ANKRD30B: variants seen among roughly 807,000 people sequenced by gnomAD.
ANKRD30B encodes the protein ankyrin repeat domain 30B.
In ANKRD30B, 144 loss-of-function variants were observed where a neutral mutation model predicts 202.2. That is an observed-to-expected ratio of 0.71 (90% confidence interval 0.62 to 0.82). The LOEUF (loss-of-function observed/expected upper bound fraction) is 0.82. Among genes scored for constraint, ANKRD30B ranks in the 40% least tolerant of loss-of-function variants. ANKRD30B has a pLI of 0.00. For synonymous variants in ANKRD30B, 508 were observed against 561.3 expected (o/e 0.91, Z 1.34); for missense variants, 1,487 against 1,669.1 (o/e 0.89, Z 1.90).
intron 9 of ANKRD30B, among the ~76,000 whole-genome samples, chr18:14,775,811 A>C (rs1469666347): frequency 6.6e-6 from 1 of 152,234 alleles, no homozygotes; most frequent in African/African-American, 2.4e-5. Flanking sequence ...AGTGGATGTC[A>C]AAAGATAAGT....
intron 9 of ANKRD30B, among the ~76,000 whole-genome samples, chr18:14,777,045 T>C (rs540887125): frequency 1.4e-4 from 21 of 152,332 alleles, no homozygotes; most frequent in African/African-American, 4.8e-4. Flanking sequence ...TGAAATGCCC[T>C]ATTATTTTTG....
chr18:14,838,891 T>C (rs1971291674), intron 36 of ANKRD30B, among the ~76,000 whole-genome samples: 1 of 152,232 alleles, frequency 6.6e-6, no homozygotes, highest in Non-Finnish European at 1.5e-5. Flanking sequence ...TGTATACAAA[T>C]GTAAGACAAA....
At chr18:14,925,495 G>A in the ANKRD30B span, among the ~76,000 whole-genome samples, 1 of 152,184 alleles carries the variant, frequency 6.6e-6, no homozygotes, top group Non-Finnish European at 1.5e-5. Flanking sequence ...TACAGCCTGG[G>A]GTTTTGGTTT....
chr18:14,876,644 T>C, the ANKRD30B span, among the ~76,000 whole-genome samples: 1 of 152,220 alleles, frequency 6.6e-6, no homozygotes, highest in African/African-American at 2.4e-5. Flanking sequence ...TTTAAAGGCA[T>C]GAGCTTGTAA....
At chr18:14,829,172 C>T (rs192286825) in intron 33 of ANKRD30B, among the ~76,000 whole-genome samples, 146 of 152,108 alleles carry the variant, frequency 9.6e-4, no homozygotes, top group African/African-American at 3.4e-3. Flanking sequence ...TTTTCTATAG[C>T]TAAAATTAAA....
chr18:14,752,672 C>G lies in ANKRD30B; in HGVS notation c.328C>G (p.Leu110Val). ...NVLDGEGRTP[L>V]MKALQCEREA... Reference sequence around the variant, plus strand: ...CCTTGATGGCGAAGGGAGGACACCTCTGATGAAGGTAAATAGTAGCCAGTT... The same window carrying G: ...CCTTGATGGCGAAGGGAGGACACCTGTGATGAAGGTAAATAGTAGCCAGTT... The change falls in exon 2 of 44, where the codon CTG (leucine) becomes GTG (valine). Residue 110 changes from leucine (L) to valine (V), a missense_variant. Around this residue, in one of 6 missense-constraint regions of ANKRD30B, gnomAD observed 889 missense variants for 841.4 expected, o/e 1.06. Coordinates refer to ENST00000690538, the MANE Select transcript of ANKRD30B (RefSeq NM_001367607.2). 1 of 1,601,710 alleles carries G rather than the reference C, an allele frequency of 6.2e-7. No individual in the cohort carries two copies. Among genetic ancestry groups the G allele is most frequent in the Non-Finnish European group, 8.5e-7 (1 of 1,172,470 alleles).
At chr18:14,938,592 C>T in the ANKRD30B span, among the ~76,000 whole-genome samples, 5 of 152,180 alleles carry the variant, frequency 3.3e-5, no homozygotes, top group African/African-American at 4.8e-5. Flanking sequence ...TTCAACTGAC[C>T]TCAGTCACAG....
intron 32 of ANKRD30B, chr18:14,825,012 C>A (rs1276703327): frequency 1.3e-5 from 2 of 152,180 alleles, no homozygotes; most frequent in East Asian, 3.8e-4. Context: ...GATACCAAGT[C>A]TCCACTAGCT....
At chr18:14,788,237 A>T (rs1349885148) in intron 15 of ANKRD30B, among the ~76,000 whole-genome samples, 3 of 152,180 alleles carry the variant, frequency 2.0e-5, no homozygotes, top group African/African-American at 7.2e-5. Flanking sequence ...CTACAATATA[A>T]GTTAGATATT....
At chr18:14,769,291 T>G in intron 7 of ANKRD30B, 52 bp from the exon 8 acceptor site, 2 of 1,344,302 alleles carry the variant, frequency 1.5e-6, no homozygotes, top group South Asian at 1.3e-5. Context: ...ATACTCTGTA[T>G]TTTCTATTTA....
rs9676225 is a variant in ANKRD30B at position 14,851,757 on chromosome 18, G to A, written c.3813G>A (p.Thr1271=). Residue 1271 remains threonine (T), a synonymous_variant, in exon 42 of 44, where the codon ACG becomes ACA. Coordinates refer to ENST00000690538, the MANE Select transcript of ANKRD30B (RefSeq NM_001367607.2). ...ATAGAGAGCAGCTTAAAGTTCTGACGGCAGAGAACACGATGCTGACTTCTA... is the reference window on the plus strand; with the variant it reads ...ATAGAGAGCAGCTTAAAGTTCTGACAGCAGAGAACACGATGCTGACTTCTA... ...SQYREQLKVL[T]AENTMLTSKL... 570,963 of 1,184,720 alleles carry A rather than the reference G, an allele frequency of 0.48. 206,490 individuals are homozygous for A. The highest frequency in any genetic ancestry group is 0.72 in the African/African-American group (46,632 of 65,168). The allele number at this position is 1,184,720 out of a possible 1,614,324, so 73.4% of individuals were successfully genotyped here. A position where few individuals can be genotyped will look rare whatever the true frequency, so the allele number is the denominator to read the frequency against.
chr18:14,775,061 A>C (rs969722851), intron 9 of ANKRD30B, among the ~76,000 whole-genome samples: 3 of 152,216 alleles, frequency 2.0e-5, no homozygotes, highest in African/African-American at 7.2e-5. Flanking sequence ...TGGGAGGTGG[A>C]GCTTGCAGTG....
At chr18:14,836,899 A>G (rs1478113529) in intron 34 of ANKRD30B, among the ~76,000 whole-genome samples, 5 of 152,016 alleles carry the variant, frequency 3.3e-5, no homozygotes, top group African/African-American at 1.2e-4. Context: ...TTTTCAGGTA[A>G]AACTGATTTT....
At chr18:14,781,005 G>A (rs1354469912) in intron 11 of ANKRD30B, among the ~76,000 whole-genome samples, 1 of 152,260 alleles carries the variant, frequency 6.6e-6, no homozygotes, top group Non-Finnish European at 1.5e-5. Context: ...GACACAGGAA[G>A]TGTCTGACCT....
Position 14,772,225 on chromosome 18 carries a change from C to CA in ANKRD30B, c.1328dup (p.Ile444AspfsTer4). The CA allele has an allele frequency of 6.7e-7, 1 of 1,494,128 alleles. No homozygotes were observed. The highest frequency in any genetic ancestry group is 9.0e-7 in the Non-Finnish European group (1 of 1,113,260). 92.6% of individuals were successfully genotyped at this position (1,494,128 alleles called of 1,614,324 possible). A position where few individuals can be genotyped will look rare whatever the true frequency, so the allele number is the denominator to read the frequency against. Reference sequence around the variant, plus strand: ...TTGAGGAAGACTTTAATCTTGCTACCAAGGTAAAATGTTCTTTTGTGAAGT... The same window carrying CA: ...TTGAGGAAGACTTTAATCTTGCTACCAAAGGTAAAATGTTCTTTTGTGAAGT... On this transcript the variant is annotated frameshift_variant, in exon 9 of 44. Transcript: ENST00000690538. LOFTEE classifies it high-confidence loss of function.
intron 30 of ANKRD30B, among the ~76,000 whole-genome samples, chr18:14,817,680 G>C (rs899978843): frequency 2.0e-5 from 3 of 152,102 alleles, no homozygotes; most frequent in Admixed American, 1.3e-4. Context: ...CACTTAGTGA[G>C]GATGTACATT....
chr18:14,825,111 C>A (rs994761376), intron 32 of ANKRD30B: 4 of 152,156 alleles, frequency 2.6e-5, no homozygotes, highest in African/African-American at 9.7e-5. Flanking sequence ...GAACAATTTC[C>A]CCCGAACCTG....
intron 40 of ANKRD30B, 76 bp from the exon 41 acceptor site, chr18:14,850,138 A>G (rs1971821301): frequency 2.9e-6 from 3 of 1,042,090 alleles, no homozygotes; most frequent in Non-Finnish European, 4.0e-6. Context: ...ATAAACCAGT[A>G]TAGGAAGAAG....
chr18:14,816,075 C>G (rs1423908548), intron 30 of ANKRD30B: 1 of 152,122 alleles, frequency 6.6e-6, no homozygotes, highest in Non-Finnish European at 1.5e-5. Flanking sequence ...TATTAAAGAA[C>G]ATGGTGAATA....
Sources: allele counts gnomAD v4.1 joint callset (sites outside exome capture counted in the v4.1 genomes callset), GRCh38; gene constraint gnomAD v4.1.1; regional missense constraint gnomAD v4.1.1; transcripts MANE v1.5; gene names NCBI Gene and HGNC (gene_info 2026-07-23, HGNC 2026-07-21).